MMS22L: variants seen among roughly 807,000 people sequenced by gnomAD.
The protein encoded by MMS22L is MMS22 like, DNA repair protein, also known as protein MMS22-like.
A neutral mutation model predicts 159.1 loss-of-function variants in MMS22L; 74 were observed. The observed-to-expected ratio is 0.47, with a 90% CI of 0.39 to 0.56. The LOEUF is 0.56. Among genes scored for constraint, MMS22L ranks in the 20% least tolerant of loss-of-function variants. The pLI is 0.00. For synonymous variants in MMS22L, 517 were observed against 506.9 expected (o/e 1.02, Z -0.27); for missense variants, 1,351 against 1,422.1 (o/e 0.95, Z 0.80).
intron 14 of MMS22L, among the ~76,000 whole-genome samples, chr6:97,208,331 C>T (rs918651386): frequency 1.3e-5 from 2 of 152,096 alleles, no homozygotes; most frequent in Non-Finnish European, 2.9e-5. Context: ...GGGCATATTA[C>T]TGCCAGAACC....
intron 16 of MMS22L, among the ~76,000 whole-genome samples, chr6:97,179,959 G>A (rs1033255286): frequency 6.6e-6 from 1 of 152,198 alleles, no homozygotes; most frequent in Non-Finnish European, 1.5e-5. Flanking sequence ...TAAGTAAACA[G>A]AGAAGTAGTC....
intron 15 of MMS22L, among the ~76,000 whole-genome samples, chr6:97,184,921 T>G (rs1805069511): frequency 6.6e-6 from 1 of 152,128 alleles, no homozygotes; most frequent in African/African-American, 2.4e-5. Context: ...GAACACAAAC[T>G]AGCTCTCCAT....
At chr6:97,282,694 G>T (rs557907420) in intron 1 of MMS22L, 141 bp from the exon 2 acceptor site, 6 of 505,658 alleles carry the variant, frequency 1.2e-5, no homozygotes, top group African/African-American at 9.7e-5. Context: ...CGTCCATCAA[G>T]GCTGTCAGAA....
At chr6:97,171,352 A>G (rs1803526402) in intron 19 of MMS22L, among the ~76,000 whole-genome samples, 1 of 152,230 alleles carries the variant, frequency 6.6e-6, no homozygotes, top group Admixed American at 6.5e-5. Flanking sequence ...AATGAGAGAG[A>G]TGATCAAGTC....
In MMS22L at chr6:97,145,027, CACACACACACACA is replaced by C. The variant is rs1800857323; in HGVS notation, c.*1766_*1778del. 1.7e-5 allele frequency: 2 copies of C among 118,884 alleles called. No individual in the cohort carries two copies. Among genetic ancestry groups the C allele is most frequent in the Non-Finnish European group, 3.4e-5 (2 of 59,612 alleles). The allele number at this position is 118,884 out of a possible 1,614,324, so 7.4% of individuals were successfully genotyped here. A position where few individuals can be genotyped will look rare whatever the true frequency, so the allele number is the denominator to read the frequency against. On this transcript the variant is annotated 3_prime_UTR_variant, in exon 25 of 25. Transcript: ENST00000683635. ...ATCTCCTTTGGAAAAAAAAAACCCA[CACACACACACACA>C]CACACACACACACACACACACACAC...
At chr6:97,201,117 C>G (rs1303489041) in intron 14 of MMS22L, among the ~76,000 whole-genome samples, 1 of 152,024 alleles carries the variant, frequency 6.6e-6, no homozygotes, top group African/African-American at 2.4e-5. Flanking sequence ...AAATGTAAAC[C>G]TGCTTTCCTT....
At chr6:97,283,998 A>G (rs115279290), upstream of MMS22L, among the ~76,000 whole-genome samples, 1,489 of 152,330 alleles carry the variant, frequency 9.8e-3, 21 homozygotes, top group African/African-American at 0.033. Flanking sequence ...TTAAATTAAA[A>G]TGAAAACACT....
Position 97,282,505 on chromosome 6 carries a change from G to C in MMS22L, c.-28C>G, listed in dbSNP as rs1357923443. On this transcript the variant is annotated 5_prime_UTR_variant, in exon 2 of 25. Coordinates refer to ENST00000683635, the MANE Select transcript of MMS22L (RefSeq NM_001350599.2). ...TTTACTTCATGTTCTGAAACACTTGGGGTTCGTCGTATCATTAAGGGCTCC... is the reference window on the plus strand; with the variant it reads ...TTTACTTCATGTTCTGAAACACTTGCGGTTCGTCGTATCATTAAGGGCTCC... The C allele has an allele frequency of 2.7e-6, 4 of 1,503,750 alleles. No homozygotes were observed. The African/African-American group carries it at 4.3e-5, about 16-fold the overall frequency. 93.2% of individuals were successfully genotyped at this position (1,503,750 alleles called of 1,614,324 possible).
intron 19 of MMS22L, among the ~76,000 whole-genome samples, chr6:97,168,598 A>G (rs1011636101): frequency 3.9e-5 from 6 of 152,116 alleles, no homozygotes; most frequent in Non-Finnish European, 8.8e-5. Context: ...ACCATTTCAA[A>G]TTTCACACTG....
intron 14 of MMS22L, among the ~76,000 whole-genome samples, chr6:97,202,139 T>G (rs1212307594): frequency 6.6e-6 from 1 of 152,152 alleles, no homozygotes; most frequent in Non-Finnish European, 1.5e-5. Flanking sequence ...TTTACATATA[T>G]TTTGCTGTGT....
intron 21 of MMS22L, among the ~76,000 whole-genome samples, chr6:97,163,664 T>C (rs911152477): frequency 1.3e-5 from 2 of 151,994 alleles, no homozygotes; most frequent in East Asian, 1.9e-4. Context: ...GAAATTCAGA[T>C]ACAAGTAAGG....
intron 14 of MMS22L, among the ~76,000 whole-genome samples, chr6:97,215,114 A>ATATATATATATATAT (rs1209431095): frequency 4.6e-5 from 4 of 87,190 alleles, no homozygotes; most frequent in African/African-American, 1.4e-4. Flanking sequence ...ATATATATAT[A>ATATATATATATATAT]TTTTTTTTTT....
At chr6:97,213,072 T>C (rs940848216) in intron 14 of MMS22L, among the ~76,000 whole-genome samples, 3 of 152,172 alleles carry the variant, frequency 2.0e-5, no homozygotes, top group African/African-American at 7.2e-5. Context: ...TGTGTGTCTG[T>C]AGACAGAGTA....
intron 10 of MMS22L, among the ~76,000 whole-genome samples, chr6:97,247,662 G>A (rs1232823851): frequency 6.6e-6 from 1 of 152,098 alleles, no homozygotes; most frequent in Non-Finnish European, 1.5e-5. Flanking sequence ...AGGTTGTAGT[G>A]AGCCAAGATC....
chr6:97,171,641 T>A (rs1803558736), intron 19 of MMS22L, among the ~76,000 whole-genome samples: 1 of 152,210 alleles, frequency 6.6e-6, no homozygotes, highest in Non-Finnish European at 1.5e-5. Context: ...ATATGAAAGG[T>A]GATTTCATCA....
chr6:97,210,459 A>G (rs187690943), intron 14 of MMS22L, among the ~76,000 whole-genome samples: 85 of 152,076 alleles, frequency 5.6e-4, no homozygotes, highest in South Asian at 1.9e-3. Context: ...TCATTTATGT[A>G]TATGAAATTT....
At chr6:97,227,477 C>T (rs1224160219) in intron 14 of MMS22L, among the ~76,000 whole-genome samples, 1 of 152,078 alleles carries the variant, frequency 6.6e-6, no homozygotes, top group African/African-American at 2.4e-5. Flanking sequence ...ATAAAAATTT[C>T]TAATTTTCCC....
In MMS22L at chr6:97,177,636, A is replaced by G. The variant is rs541545404; in HGVS notation, c.2679+807T>C. 2.0e-5 allele frequency among the ~76,000 whole-genome samples: 3 copies of G among 152,246 alleles called. No individual in the cohort carries two copies. In the East Asian group the frequency reaches 5.8e-4, roughly 29 times the overall value. On this transcript the variant is annotated intron_variant, in intron 18 of 24. Coordinates refer to ENST00000683635, the MANE Select transcript of MMS22L (RefSeq NM_001350599.2). Reference sequence around the variant, plus strand: ...AATCAACAACTAAATAAGGGTCCAAATGGAATGTGTATTTTACATCTGCAT... The same window carrying G: ...AATCAACAACTAAATAAGGGTCCAAGTGGAATGTGTATTTTACATCTGCAT...
At chr6:97,279,202 G>A (rs1049531801) in intron 3 of MMS22L, among the ~76,000 whole-genome samples, 4 of 152,110 alleles carry the variant, frequency 2.6e-5, no homozygotes, top group Non-Finnish European at 2.9e-5. Flanking sequence ...TTAAGTTTAC[G>A]GCCGGGTGTG....
Sources: allele counts gnomAD v4.1 joint callset (sites outside exome capture counted in the v4.1 genomes callset), GRCh38; gene constraint gnomAD v4.1.1; transcripts MANE v1.5; gene names NCBI Gene and HGNC (gene_info 2026-07-23, HGNC 2026-07-21).